Variants in RASSF4 observed in about 807,000 individuals in gnomAD.
The protein encoded by RASSF4 is ras association domain-containing protein 4.
RASSF4 carries 38 observed loss-of-function variants against 41.1 expected under a neutral mutation model. That is an observed-to-expected ratio of 0.92 (90% confidence interval 0.71 to 1.21). The LOEUF (loss-of-function observed/expected upper bound fraction) is 1.21. RASSF4 is among the 50% of genes most tolerant of loss of function. The pLI, the probability that RASSF4 is intolerant of heterozygous loss-of-function variation, is 0.00. For synonymous variants in RASSF4, 179 were observed against 163.4 expected (o/e 1.10, Z -0.73); for missense variants, 414 against 419.4 (o/e 0.99, Z 0.11).
Position 44,993,404 on chromosome 10 carries a change from C to T in RASSF4, c.*75C>T, listed in dbSNP as rs529095691. The T allele has an allele frequency of 3.2e-5, 40 of 1,238,284 alleles. No individual in the cohort carries two copies. In the African/African-American group the frequency reaches 3.8e-4, roughly 12 times the overall value. The allele number at this position is 1,238,284 out of a possible 1,614,324, so 76.7% of individuals were successfully genotyped here. A position where few individuals can be genotyped will look rare whatever the true frequency, so the allele number is the denominator to read the frequency against. ...CTGAGCCCTGGTTGCTGGCCCCGGC[C>T]GGTCACATTGACTGATGGCCACCGC... On this transcript the variant is annotated 3_prime_UTR_variant, in exon 11 of 11. Coordinates refer to ENST00000340258, the MANE Select transcript of RASSF4 (RefSeq NM_032023.4).
At chr10:44,962,896 G>A (rs546356022) in intron 1 of RASSF4, among the ~76,000 whole-genome samples, 1 of 152,208 alleles carries the variant, frequency 6.6e-6, no homozygotes, top group Non-Finnish European at 1.5e-5. Context: ...GAAGCCAGAA[G>A]TCTTGCCCAC....
Position 44,970,433 on chromosome 10 carries a change from C to G in RASSF4, c.62+169C>G, listed in dbSNP as rs1480608243. 4 of 605,542 alleles carry G rather than the reference C, an allele frequency of 6.6e-6. No homozygotes were observed. The African/African-American group carries it at 7.4e-5, about 11-fold the overall frequency. The allele number at this position is 605,542 out of a possible 1,614,324, so 37.5% of individuals were successfully genotyped here. Reference sequence around the variant, plus strand: ...TTTTGAGCCTGTCCAATAGGGGATCCCCAAGCTACACATGACCATGGCTGG... The same window carrying G: ...TTTTGAGCCTGTCCAATAGGGGATCGCCAAGCTACACATGACCATGGCTGG... On this transcript the variant is annotated intron_variant, in intron 2 of 10. Coordinates refer to ENST00000340258, the MANE Select transcript of RASSF4 (RefSeq NM_032023.4).
At chr10:44,972,287 C>G (rs1841207638) in intron 3 of RASSF4, among the ~76,000 whole-genome samples, 1 of 152,286 alleles carries the variant, frequency 6.6e-6, no homozygotes, top group South Asian at 2.1e-4. Context: ...CCCCAGTACT[C>G]TCATTTGTAA....
At chr10:44,975,356 A>G (rs1224401992) in intron 3 of RASSF4, among the ~76,000 whole-genome samples, 1 of 151,480 alleles carries the variant, frequency 6.6e-6, no homozygotes, top group Non-Finnish European at 1.5e-5. Context: ...TGGGAGCCGC[A>G]AAGCGCTTCC....
chr10:44,993,137 C>G (rs1417145619), intron 10 of RASSF4, 132 bp from the exon 11 acceptor site: 2 of 722,786 alleles, frequency 2.8e-6, no homozygotes, highest in African/African-American at 3.5e-5. Flanking sequence ...AGCCTTCCCC[C>G]TCCTTGGCAG....
At chr10:44,966,595 C>A (rs1204041922) in intron 1 of RASSF4, among the ~76,000 whole-genome samples, 1 of 152,086 alleles carries the variant, frequency 6.6e-6, no homozygotes, top group East Asian at 1.9e-4. Context: ...CAAGAAGATT[C>A]CTGGAAAAAG....
chr10:44,971,604 C>T, intron 2 of RASSF4, 169 bp from the exon 3 acceptor site: 1 of 709,926 alleles, frequency 1.4e-6, no homozygotes, highest in East Asian at 2.6e-5. Context: ...GCAGAACCAT[C>T]CGGGTGCATT....
chr10:44,967,821 T>A (rs1390428296), intron 1 of RASSF4, among the ~76,000 whole-genome samples: 1 of 152,060 alleles, frequency 6.6e-6, no homozygotes, highest in Admixed American at 6.6e-5. Context: ...AAACAAGAGC[T>A]GGGTTCTGCA....
chr10:44,963,799 A>G (rs1316722568), intron 1 of RASSF4, among the ~76,000 whole-genome samples: 2 of 152,272 alleles, frequency 1.3e-5, no homozygotes, highest in Non-Finnish European at 2.9e-5. Context: ...TGCTTAGAAC[A>G]TTTTAATTTG....
At chr10:44,967,203 G>A (rs1314569626) in intron 1 of RASSF4, among the ~76,000 whole-genome samples, 2 of 152,168 alleles carry the variant, frequency 1.3e-5, no homozygotes, top group African/African-American at 4.8e-5. Context: ...GCTGACCATC[G>A]AGTAGCTGCA....
intron 1 of RASSF4, among the ~76,000 whole-genome samples, chr10:44,967,320 CTT>C (rs1840940099): frequency 6.6e-6 from 1 of 152,230 alleles, no homozygotes; most frequent in Non-Finnish European, 1.5e-5. Context: ...ACCCACAACA[CTT>C]TTGTTCGCAG....
Position 44,993,267 on chromosome 10 carries a change from A to G in RASSF4, c.906-2A>G. 3 of 1,609,860 alleles carry G rather than the reference A, an allele frequency of 1.9e-6. No homozygotes were observed. The highest frequency in any genetic ancestry group is 2.5e-6 in the Non-Finnish European group (3 of 1,179,540). On this transcript the variant is annotated splice_acceptor_variant, in intron 10 of 10. Transcript: ENST00000340258. LOFTEE classifies it high-confidence loss of function. ...AGTCCTCTTGGCGATGTCTCCCTCCAGGTTCCAAGCCCTGCGTCTGACGAT... is the reference window on the plus strand; with the variant it reads ...AGTCCTCTTGGCGATGTCTCCCTCCGGGTTCCAAGCCCTGCGTCTGACGAT...
At chr10:44,982,402 G>A (rs758264420) in intron 3 of RASSF4, 119 bp from the exon 4 acceptor site, 4 of 1,256,010 alleles carry the variant, frequency 3.2e-6, no homozygotes, top group Non-Finnish European at 4.6e-6. Flanking sequence ...CTGAGGGGAT[G>A]GGGCCACTCA....
chr10:44,971,949 C>T, intron 3 of RASSF4, 101 bp downstream of exon 3: 1 of 755,942 alleles, frequency 1.3e-6, no homozygotes, highest in Non-Finnish European at 2.2e-6. Context: ...CCCCTTCACT[C>T]TCAGCAGTGA....
chr10:44,979,427 C>T (rs1017105833), intron 3 of RASSF4, among the ~76,000 whole-genome samples: 2 of 152,180 alleles, frequency 1.3e-5, no homozygotes, highest in Non-Finnish European at 2.9e-5. Context: ...AAAGGTGTGG[C>T]CCCCTGGAGC....
At chr10:44,963,193 T>A (rs1441484327) in intron 1 of RASSF4, among the ~76,000 whole-genome samples, 1 of 152,068 alleles carries the variant, frequency 6.6e-6, no homozygotes, top group Non-Finnish European at 1.5e-5. Context: ...AGGAGTGAGT[T>A]GAGCCAGAGG....
chr10:44,966,108 C>T (rs990436639), intron 1 of RASSF4, among the ~76,000 whole-genome samples: 2 of 152,142 alleles, frequency 1.3e-5, no homozygotes, highest in Non-Finnish European at 2.9e-5. Flanking sequence ...AAGAGTTCCA[C>T]AGTTAAGAAA....
rs79857424 is a variant in RASSF4 at position 44,984,028 on chromosome 10, G to T, written c.288G>T (p.Glu96Asp). The T allele has an allele frequency of 3.0e-3, 4,788 of 1,598,326 alleles. 109 individuals are homozygous for T. The African/African-American group carries it at 0.051, about 17-fold the overall frequency. The change falls in exon 5 of 11, where the codon GAG becomes GAT. Residue 96 changes from glutamate to aspartate, a missense_variant. By Grantham distance (45) the Glu-to-Asp change is conservative (BLOSUM62 2). Transcript: ENST00000340258. ...TGCAGTTGTCTGTTTTCAGAAAGGAGCCATCGCCCCAGAACGGGAACATCA... is the reference window on the plus strand; with the variant it reads ...TGCAGTTGTCTGTTTTCAGAAAGGATCCATCGCCCCAGAACGGGAACATCA... ...MPRRPSCPLK[E>D]PSPQNGNITA...
At chr10:44,986,932 C>T (rs529466118) in intron 6 of RASSF4, among the ~76,000 whole-genome samples, 3 of 152,244 alleles carry the variant, frequency 2.0e-5, no homozygotes, top group East Asian at 3.9e-4. Context: ...GATTCAAATG[C>T]GTTCTGTTAG....
Sources: gnomAD v4.1 joint callset for allele counts (sites outside exome capture counted in the v4.1 genomes callset) on GRCh38, gnomAD v4.1.1 for gene constraint, MANE v1.5 for transcripts, NCBI Gene and HGNC (gene_info 2026-07-23, HGNC 2026-07-21) for gene names.